Variants in TRDMT1 observed in about 807,000 individuals in gnomAD.
TRDMT1 encodes the protein tRNA aspartic acid methyltransferase 1.
Under a neutral mutation model 51.2 loss-of-function variants are expected in TRDMT1, and 49 were observed. The ratio of observed to expected loss-of-function variants is 0.96; its 90% CI spans 0.76 to 1.21. TRDMT1 has a LOEUF of 1.21. Among genes scored for constraint, TRDMT1 ranks in the 50% most tolerant of loss-of-function variants. The probability of loss-of-function intolerance (pLI) is 0.00; values close to 1 mark genes in which losing one functional copy is unlikely to be tolerated. For missense variants in TRDMT1, 534 were observed against 462.3 expected (o/e 1.16, Z -1.42); for synonymous variants, 187 against 164.6 (o/e 1.14, Z -1.04).
chr10:17,151,038 T>A (rs1221017182), intron 10 of TRDMT1: 1 of 964,618 alleles, frequency 1.0e-6, no homozygotes, highest in Non-Finnish European at 1.2e-6. Context: ...TCTGTGCATA[T>A]TTCTTTAAAT....
At chr10:17,153,700 G>T in intron 9 of TRDMT1, 64 bp from the exon 10 acceptor site, 1 of 1,479,302 alleles carries the variant, frequency 6.8e-7, no homozygotes, top group Non-Finnish European at 9.1e-7. Context: ...ATCTCCTGCT[G>T]TGAGATAGTT....
At chr10:17,158,919 T>G (rs937394202) in intron 7 of TRDMT1, among the ~76,000 whole-genome samples, 1 of 152,108 alleles carries the variant, frequency 6.6e-6, no homozygotes, top group South Asian at 2.1e-4. Context: ...TGTTTTCTAA[T>G]GAGAAAAAGA....
intron 5 of TRDMT1, among the ~76,000 whole-genome samples, chr10:17,160,841 T>A (rs17140062): frequency 0.28 from 42,986 of 152,108 alleles, 6,330 homozygotes; most frequent in Middle Eastern, 0.38. Context: ...ACGTTTTTAC[T>A]AAGTTCAGCA....
chr10:17,159,056 C>G (rs975447932), intron 7 of TRDMT1, 90 bp downstream of exon 7: 3 of 856,298 alleles, frequency 3.5e-6, no homozygotes, highest in Non-Finnish European at 3.4e-6. Flanking sequence ...GACAGCTACA[C>G]AAAGTAGTTC....
In TRDMT1 at chr10:17,145,447, A is replaced by G; in HGVS notation, c.*3593T>C. On this transcript the variant is annotated 3_prime_UTR_variant, in exon 11 of 11. Transcript: ENST00000377799. Reference sequence around the variant, plus strand: ...ACTAGTAGACAGAGGTCCAAAGGCCATGTCTTTAAAAATTATATAATCTCA... The same window carrying G: ...ACTAGTAGACAGAGGTCCAAAGGCCGTGTCTTTAAAAATTATATAATCTCA... 1 of 985,430 alleles carries G rather than the reference A, an allele frequency of 1.0e-6. No homozygotes were observed. The highest frequency in any genetic ancestry group is 1.2e-6 in the Non-Finnish European group (1 of 829,940). The allele number at this position is 985,430 out of a possible 1,614,324, so 61.0% of individuals were successfully genotyped here.
intron 1 of TRDMT1, among the ~76,000 whole-genome samples, chr10:17,181,310 G>C (rs1223878996): frequency 6.6e-6 from 1 of 152,096 alleles, no homozygotes; most frequent in Non-Finnish European, 1.5e-5. Flanking sequence ...CATGAAGGCT[G>C]ATCCGTGCAC....
rs2131358819 is a variant in TRDMT1 at position 17,146,085 on chromosome 10, C to A, written c.*2955G>T. 1.0e-6 allele frequency: 1 copy of A among 985,378 alleles called. No homozygotes were observed. The highest frequency in any genetic ancestry group is 6.1e-5 in the Admixed American group (1 of 16,276). The allele number at this position is 985,378 out of a possible 1,614,324, so 61.0% of individuals were successfully genotyped here. A position where few individuals can be genotyped will look rare whatever the true frequency, so the allele number is the denominator to read the frequency against. On this transcript the variant is annotated 3_prime_UTR_variant, in exon 11 of 11. Coordinates refer to ENST00000377799, the MANE Select transcript of TRDMT1 (RefSeq NM_004412.7). ...TTTTACATCCCACATGGTAGCAATA[C>A]AGCCTTTCAGGGCAACTTAAAAGCC...
chr10:17,193,800 G>T (rs1845020744), intron 1 of TRDMT1, among the ~76,000 whole-genome samples: 1 of 152,070 alleles, frequency 6.6e-6, no homozygotes, highest in Non-Finnish European at 1.5e-5. Context: ...CATAAAATTG[G>T]AACAAACTAT....
chr10:17,169,384 T>A (rs7084476), intron 2 of TRDMT1: 614 of 1,272,054 alleles, frequency 4.8e-4, no homozygotes, highest in Non-Finnish European at 5.8e-4. Context: ...CATCTGTTAA[T>A]ATATTATCAA....
In TRDMT1 at chr10:17,148,572, T is replaced by C. The variant is rs1255816197; in HGVS notation, c.*468A>G. The C allele has an allele frequency of 1.4e-5, 14 of 978,402 alleles. No individual in the cohort carries two copies. The highest frequency in any genetic ancestry group is 4.7e-5 in the South Asian group (1 of 21,126). The allele number at this position is 978,402 out of a possible 1,614,324, so 60.6% of individuals were successfully genotyped here. On this transcript the variant is annotated 3_prime_UTR_variant, in exon 11 of 11. Transcript: ENST00000377799. ...TACATATCATATGCATTTGTTTAGA[T>C]GAAATAAAGAAATATTTACAGGATT...
intron 1 of TRDMT1, among the ~76,000 whole-genome samples, chr10:17,186,144 G>T (rs548648957): frequency 6.6e-6 from 1 of 151,926 alleles, no homozygotes; most frequent in Non-Finnish European, 1.5e-5. Context: ...TGAATATTTG[G>T]TGGTATACAT....
Position 17,147,936 on chromosome 10 carries a change from T to A in TRDMT1, c.*1104A>T. On this transcript the variant is annotated 3_prime_UTR_variant, in exon 11 of 11. Transcript: ENST00000377799. ...AACCATTTTACGTTCCCACAAGCAA[T>A]GCACAAACTTCCAATTTATCCACCT... 1.0e-6 allele frequency: 1 copy of A among 954,320 alleles called. No homozygotes were observed. The highest frequency in any genetic ancestry group is 1.2e-6 in the Non-Finnish European group (1 of 801,650). 59.1% of individuals were successfully genotyped at this position (954,320 alleles called of 1,614,324 possible).
intron 2 of TRDMT1, among the ~76,000 whole-genome samples, chr10:17,173,178 AT>A (rs1203496239): frequency 6.6e-6 from 1 of 152,182 alleles, no homozygotes; most frequent in Admixed American, 6.5e-5. Context: ...AGTTTAATAA[AT>A]GTAGGTATTT....
At chr10:17,160,638 T>C (rs1840214942) in intron 5 of TRDMT1, among the ~76,000 whole-genome samples, 1 of 151,910 alleles carries the variant, frequency 6.6e-6, no homozygotes, top group Admixed American at 6.6e-5. Flanking sequence ...GCCTGGCTAA[T>C]TTTTTTGTAT....
rs75687833 is a variant in TRDMT1 at position 17,139,901 on chromosome 10, C to G, written c.*9139G>C. Among the ~76,000 whole-genome samples the G allele has an allele frequency of 6.6e-6, 1 of 151,924 alleles. No individual in the cohort carries two copies. The highest frequency in any genetic ancestry group is 6.6e-5 in the Admixed American group (1 of 15,242). On this transcript the variant is annotated 3_prime_UTR_variant, in exon 11 of 11. Transcript: ENST00000377799. ...ATGCTTTCTTTATAGTGACTTGGACCATATTTGTTACGGAAGTACTGCTAA... is the reference window on the plus strand; with the variant it reads ...ATGCTTTCTTTATAGTGACTTGGACGATATTTGTTACGGAAGTACTGCTAA...
At chr10:17,195,832 T>C (rs372411887) in intron 1 of TRDMT1, among the ~76,000 whole-genome samples, 2 of 152,190 alleles carry the variant, frequency 1.3e-5, no homozygotes, top group East Asian at 3.8e-4. Flanking sequence ...TAGGACAACT[T>C]TTTACGTTGC....
intron 1 of TRDMT1, among the ~76,000 whole-genome samples, chr10:17,197,876 T>C (rs1845658458): frequency 6.6e-6 from 1 of 151,826 alleles, no homozygotes; most frequent in South Asian, 2.1e-4. Flanking sequence ...CTACTAAAAA[T>C]ACAAAAAATT....
rs1838276214 is a variant in TRDMT1, at chr10:17,148,096, T to C, written c.*944A>G. Reference sequence around the variant, plus strand: ...ACCATAGAATTTATGATGCAAGACTTAGTTTGATTAGAAACCCTAATTCCA... The same window carrying C: ...ACCATAGAATTTATGATGCAAGACTCAGTTTGATTAGAAACCCTAATTCCA... On this transcript the variant is annotated 3_prime_UTR_variant, in exon 11 of 11. Coordinates refer to ENST00000377799, the MANE Select transcript of TRDMT1 (RefSeq NM_004412.7). 1.0e-6 allele frequency: 1 copy of C among 985,324 alleles called. No homozygotes were observed. Among genetic ancestry groups the C allele is most frequent in the Non-Finnish European group, 1.2e-6 (1 of 829,920 alleles). The allele number at this position is 985,324 out of a possible 1,614,324, so 61.0% of individuals were successfully genotyped here. A position where few individuals can be genotyped will look rare whatever the true frequency, so the allele number is the denominator to read the frequency against.
chr10:17,150,801 T>C, intron 10 of TRDMT1: 2 of 984,596 alleles, frequency 2.0e-6, no homozygotes, highest in South Asian at 4.7e-5. Context: ...ATAAAGTTTC[T>C]ATTCTAAAGA....
Sources: gnomAD v4.1 joint callset for allele counts (sites outside exome capture counted in the v4.1 genomes callset) on GRCh38, gnomAD v4.1.1 for gene constraint, MANE v1.5 for transcripts, NCBI Gene and HGNC (gene_info 2026-07-23, HGNC 2026-07-21) for gene names.